Variants in TRIM33 observed in about 807,000 individuals in gnomAD.
TRIM33 encodes tripartite motif containing 33.
Under a neutral mutation model 125.4 loss-of-function variants are expected in TRIM33, and 20 were observed. That is an observed-to-expected ratio of 0.16 (90% CI 0.11 to 0.23). The LOEUF is 0.23. Among genes scored for constraint, TRIM33 ranks in the 10% least tolerant of loss-of-function variants. The pLI, the probability that TRIM33 is intolerant of heterozygous loss-of-function variation, is 1.00. For synonymous variants in TRIM33, 564 were observed against 513.9 expected (o/e 1.10, Z -1.32); for missense variants, 920 against 1,411.4 (o/e 0.65, Z 5.58).
At chr1:114,434,582 G>C (rs771502489) in intron 4 of TRIM33, among the ~76,000 whole-genome samples, 10 of 152,130 alleles carry the variant, frequency 6.6e-5, no homozygotes, top group Non-Finnish European at 1.2e-4. Context: ...TAGGAAGCTA[G>C]AATAATAGTT....
chr1:114,483,644 C>T (rs969183493), intron 1 of TRIM33, among the ~76,000 whole-genome samples: 1 of 151,936 alleles, frequency 6.6e-6, no homozygotes, highest in Middle Eastern at 3.2e-3. Context: ...AACTCCTGAG[C>T]TCAGGCAATC....
rs1413927586 is a variant in TRIM33, at chr1:114,443,772, GC to G, written c.924-10040del. Among the ~76,000 whole-genome samples the G allele has an allele frequency of 2.0e-5, 3 of 151,962 alleles. No homozygotes were observed. In the East Asian group the frequency reaches 5.8e-4, roughly 29 times the overall value. On this transcript the variant is annotated intron_variant, in intron 4 of 19. Coordinates refer to ENST00000358465, the MANE Select transcript of TRIM33 (RefSeq NM_015906.4). ...GGTGGAGCCAGGTGTGGTAGCTTATGCCTGTAATCTAAACACTTTGGGGGCC... is the reference window on the plus strand; with the variant it reads ...GGTGGAGCCAGGTGTGGTAGCTTATGCTGTAATCTAAACACTTTGGGGGCC...
chr1:114,428,011 A>G, intron 6 of TRIM33, 117 bp from the exon 7 acceptor site: 1 of 1,034,280 alleles, frequency 9.7e-7, no homozygotes. Context: ...TAAGTGAATA[A>G]GCTCCATGAT....
Position 114,410,281 on chromosome 1 carries a change from T to C in TRIM33, c.2097A>G (p.Leu699=), listed in dbSNP as rs777854546. 69 of 1,613,700 alleles carry C rather than the reference T, an allele frequency of 4.3e-5. No individual in the cohort carries two copies. The Admixed American group carries it at 1.0e-3, about 23-fold the overall frequency. ...GACTGCCTGAGATGTATCTACTTAG[T>C]AGATTATCTAAACTACTTGAGCCAG... The part of the protein sequence containing the change: ...EDAGSSSLDN[L]LSRYISGSHL... Residue 699 remains leucine, a synonymous_variant, in exon 12 of 20, where the codon CTA becomes CTG. Coordinates refer to ENST00000358465, the MANE Select transcript of TRIM33 (RefSeq NM_015906.4).
intron 4 of TRIM33, among the ~76,000 whole-genome samples, chr1:114,435,877 C>CATT (rs1553211462): frequency 1.4e-5 from 1 of 73,324 alleles, no homozygotes; most frequent in African/African-American, 6.4e-5. Flanking sequence ...TAGACACCCG[C>CATT]TTTTTTTTTT....
chr1:114,491,332 T>C (rs1245094692), intron 1 of TRIM33, among the ~76,000 whole-genome samples: 1 of 152,220 alleles, frequency 6.6e-6, no homozygotes, highest in Non-Finnish European at 1.5e-5. Context: ...TCTCATCATT[T>C]ATAGTAGTTA....
At position 114,393,099 on chromosome 1, in the gene TRIM33, G is replaced by A. The variant is rs555063409; in HGVS notation, c.*4549C>T. On this transcript the variant is annotated 3_prime_UTR_variant, in exon 20 of 20. Coordinates refer to ENST00000358465, the MANE Select transcript of TRIM33 (RefSeq NM_015906.4). The stretch of plus-strand genomic sequence containing the variant: ...ATCATATTGAAGGGCAGTTAACTAT[G>A]TGCAAAAATAATAGTACTAGTAGTA... 2.2e-4 allele frequency: 46 copies of A among 205,480 alleles called. No individual in the cohort carries two copies. The highest frequency in any genetic ancestry group is 4.3e-4 in the Non-Finnish European group (43 of 100,038). 12.7% of individuals were successfully genotyped at this position (205,480 alleles called of 1,614,324 possible).
chr1:114,454,947 A>C (rs1489337940), intron 4 of TRIM33, among the ~76,000 whole-genome samples: 3 of 152,210 alleles, frequency 2.0e-5, no homozygotes, highest in African/African-American at 4.8e-5. Flanking sequence ...CAGGGATTAT[A>C]GTACAAATTG....
At chr1:114,468,699 A>T (rs879230910) in intron 1 of TRIM33, 20 of 446,364 alleles carry the variant, frequency 4.5e-5, no homozygotes, top group South Asian at 3.0e-4. Context: ...GAAGAAAAAG[A>T]AGAATGTCAA....
intron 4 of TRIM33, among the ~76,000 whole-genome samples, chr1:114,439,422 T>C (rs748849773): frequency 5.9e-5 from 8 of 136,144 alleles, no homozygotes; most frequent in Non-Finnish European, 9.0e-5. Context: ...TGAGCCAAGA[T>C]TGCGCCACGG....
chr1:114,420,443 A>T lies in TRIM33; in HGVS notation c.2061+993T>A, dbSNP rs903585108. 1.3e-5 allele frequency: 18 copies of T among 1,333,942 alleles called. No individual in the cohort carries two copies. The African/African-American group carries it at 2.4e-4, about 18-fold the overall frequency. The allele number at this position is 1,333,942 out of a possible 1,614,324, so 82.6% of individuals were successfully genotyped here. On this transcript the variant is annotated intron_variant, in intron 11 of 19. Transcript: ENST00000358465. The stretch of plus-strand genomic sequence containing the variant: ...CATACCAGGAGTGCATCATCGGAAC[A>T]ACGTTTGCCTGTGGCAGGTGTAGAA...
intron 11 of TRIM33, among the ~76,000 whole-genome samples, chr1:114,420,666 T>C (rs1381485012): frequency 2.0e-5 from 3 of 152,218 alleles, no homozygotes; most frequent in African/African-American, 7.2e-5. Context: ...AACTGGCAAA[T>C]AACAATTGTG....
rs756173120 is a variant in TRIM33 at position 114,425,655 on chromosome 1, G to C, written c.1489C>G (p.Pro497Ala). 3.1e-6 allele frequency: 5 copies of C among 1,614,126 alleles called. No individual in the cohort carries two copies. The highest frequency in any genetic ancestry group is 1.1e-5 in the South Asian group (1 of 91,078). The change falls in exon 9 of 20, where the codon CCA becomes GCA. Residue 497 changes from proline to alanine, a missense_variant. By Grantham distance (27) the Pro-to-Ala change is conservative. This residue lies in a region of TRIM33 where 407 missense variants were observed against 589.7 expected (regional missense o/e 0.69). Transcript: ENST00000358465. Reference protein sequence around the residue: ...TPNVVVGQVPPGTNHISKTPG... With the variant: ...TPNVVVGQVPAGTNHISKTPG... ...GTTTTACTAATGTGGTTTGTCCCTG[G>C]AGGAACTTGCCCAACTACAACATTA...
intron 1 of TRIM33, among the ~76,000 whole-genome samples, chr1:114,483,702 G>A (rs764831323): frequency 6.6e-6 from 1 of 152,032 alleles, no homozygotes; most frequent in South Asian, 2.1e-4. Context: ...GTGAGCCACC[G>A]TGCCCGGCCC....
Position 114,448,144 on chromosome 1 carries a change from C to T in TRIM33, c.924-14411G>A, listed in dbSNP as rs569016648. On this transcript the variant is annotated intron_variant, in intron 4 of 19. Coordinates refer to ENST00000358465, the MANE Select transcript of TRIM33 (RefSeq NM_015906.4). ...ACTGACAGGTTAGCAGAAAGAAGGG[C>T]AAATTTCTGAAACAATGTCATTGGC... 3.9e-5 allele frequency among the ~76,000 whole-genome samples: 6 copies of T among 152,250 alleles called. No individual in the cohort carries two copies. The East Asian group carries it at 1.2e-3, about 29-fold the overall frequency.
chr1:114,500,911 C>CAGGCAGTT (rs1570678973), intron 1 of TRIM33, among the ~76,000 whole-genome samples: 1 of 68,796 alleles, frequency 1.5e-5, no homozygotes, highest in African/African-American at 6.5e-5. Context: ...GAATTTGGGG[C>CAGGCAGTT]CGGGCGCGGT....
chr1:114,509,219 T>TA (rs2101592218), intron 1 of TRIM33, among the ~76,000 whole-genome samples: 1 of 152,300 alleles, frequency 6.6e-6, no homozygotes, highest in East Asian at 1.9e-4. Flanking sequence ...ATGTCGAGGA[T>TA]ACACTCTACA....
At chr1:114,499,831 TA>T (rs1652602506) in intron 1 of TRIM33, among the ~76,000 whole-genome samples, 1 of 152,076 alleles carries the variant, frequency 6.6e-6, no homozygotes, top group African/African-American at 2.4e-5. Flanking sequence ...ATAATGGAAT[TA>T]TCAAATATAA....
At chr1:114,440,367 A>T (rs1049539330) in intron 4 of TRIM33, among the ~76,000 whole-genome samples, 3 of 152,088 alleles carry the variant, frequency 2.0e-5, no homozygotes, top group Non-Finnish European at 4.4e-5. Context: ...AAAAAATTGC[A>T]TAATTTTTCA....
Sources: allele counts gnomAD v4.1 joint callset (sites outside exome capture counted in the v4.1 genomes callset), GRCh38; gene constraint gnomAD v4.1.1; regional missense constraint gnomAD v4.1.1; transcripts MANE v1.5; gene names NCBI Gene and HGNC (gene_info 2026-07-23, HGNC 2026-07-21).